EGFR: variants seen among roughly 807,000 people sequenced by gnomAD.
EGFR encodes the protein epidermal growth factor receptor, also known as avian erythroblastic leukemia viral (v-erb-b) oncogene homolog.
In EGFR, 58 loss-of-function variants were observed where a neutral mutation model predicts 143.0. The ratio of observed to expected loss-of-function variants is 0.41; its 90% CI spans 0.33 to 0.50. The LOEUF (loss-of-function observed/expected upper bound fraction) is 0.50. EGFR is among the 20% of genes least tolerant of loss of function. EGFR has a pLI of 0.39. For synonymous variants in EGFR, 613 were observed against 594.4 expected (o/e 1.03, Z -0.45); for missense variants, 1,307 against 1,579.0 (o/e 0.83, Z 2.92).
chr7:55,167,923 T>C (rs1418189033), intron 15 of EGFR, among the ~76,000 whole-genome samples: 2 of 152,210 alleles, frequency 1.3e-5, no homozygotes, highest in Non-Finnish European at 2.9e-5. Context: ...GTAATGGGAA[T>C]AGCTCTAATG....
chr7:55,077,166 G>A (rs1378760796), intron 1 of EGFR, among the ~76,000 whole-genome samples: 1 of 152,078 alleles, frequency 6.6e-6, no homozygotes, highest in Non-Finnish European at 1.5e-5. Context: ...TGGTATTTCG[G>A]TCAGATCTTC....
intron 1 of EGFR, among the ~76,000 whole-genome samples, chr7:55,131,606 C>A (rs1369469636): frequency 1.3e-5 from 2 of 152,186 alleles, no homozygotes; most frequent in Admixed American, 1.3e-4. Context: ...CTCGGACACT[C>A]CCTCTCGAAG....
intron 22 of EGFR, among the ~76,000 whole-genome samples, chr7:55,193,731 T>C (rs2128966115): frequency 1.3e-5 from 2 of 152,326 alleles, no homozygotes; most frequent in African/African-American, 4.8e-5. Context: ...AGGAGAACAC[T>C]ATTGAAATGA....
rs61541412 is a variant in EGFR at position 55,196,178 on chromosome 7, A to ATTTTTTTTTTTTTTTTTTTTTTTTTTT, written c.2702-2524_2702-2523insTTTTTTTTTTTTTTTTTTTTTTTTTTT. ...CACAACCTCACCAGCATGTGTTGGGATTTTTTTTTTTTTTTACTTTTCAAT... is the reference window on the plus strand; with the variant it reads ...CACAACCTCACCAGCATGTGTTGGGATTTTTTTTTTTTTTTTTTTTTTTTTTTTTTTTTTTTTTTTTTACTTTTCAAT... On this transcript the variant is annotated intron_variant, in intron 22 of 27. Coordinates refer to ENST00000275493, the MANE Select transcript of EGFR (RefSeq NM_005228.5). 5.3e-3 allele frequency among the ~76,000 whole-genome samples: 467 copies of ATTTTTTTTTTTTTTTTTTTTTTTTTTT among 87,936 alleles called. 34 individuals carry two copies. The highest frequency in any genetic ancestry group is 6.7e-3 in the Non-Finnish European group (330 of 48,976). The allele number at this position is 87,936 out of a possible 152,430, so 57.7% of individuals were successfully genotyped here.
Position 55,019,295 on chromosome 7 carries a change from G to A in EGFR, c.18G>A (p.Thr6=), listed in dbSNP as rs775964175. The change falls in exon 1 of 28, where the codon ACG becomes ACA. Residue 6 remains threonine, a synonymous_variant. Transcript: ENST00000275493. ...GAGCAGCGATGCGACCCTCCGGGAC[G>A]GCCGGGGCAGCGCTCCTGGCGCTGC... The part of the protein sequence containing the change: MRPSG[T]AGAALLALLA... The A allele has an allele frequency of 2.0e-6, 3 of 1,510,370 alleles. No homozygotes were observed. The highest frequency in any genetic ancestry group is 2.0e-5 in the Admixed American group (1 of 51,200). 93.6% of individuals were successfully genotyped at this position (1,510,370 alleles called of 1,614,324 possible).
intron 1 of EGFR, among the ~76,000 whole-genome samples, chr7:55,113,370 A>G (rs1584071772): frequency 1.3e-5 from 2 of 152,180 alleles, no homozygotes; most frequent in East Asian, 1.9e-4. Flanking sequence ...TGTCCTATTC[A>G]AATCACCTGG....
intron 1 of EGFR, among the ~76,000 whole-genome samples, chr7:55,065,445 C>G (rs528351374): frequency 1.5e-4 from 23 of 152,242 alleles, no homozygotes; most frequent in Middle Eastern, 3.4e-3. Context: ...ATCTGGGTGG[C>G]TACTAACACA....
Position 55,144,139 on chromosome 7 carries a change from C to T in EGFR, c.424+651C>T, listed in dbSNP as rs2128928081. On this transcript the variant is annotated intron_variant, in intron 3 of 27. Transcript: ENST00000275493. ...AATTGGTAACTTCATTTAACGCCCA[C>T]AACCTTTCTTCAAAGTAGGCACTGT... Among the ~76,000 whole-genome samples, 2 of 152,302 alleles carry T rather than the reference C, an allele frequency of 1.3e-5. 1 individual carries two copies. The highest frequency in any genetic ancestry group is 1.3e-4 in the Admixed American group (2 of 15,306).
intron 15 of EGFR, chr7:55,168,603 G>A (rs2128949545): frequency 6.2e-7 from 1 of 1,605,348 alleles, no homozygotes; most frequent in East Asian, 2.2e-5. Context: ...TTCTCCCTTT[G>A]CTTCAAATAA....
At chr7:55,138,397 T>C (rs1413805624) in intron 1 of EGFR, among the ~76,000 whole-genome samples, 1 of 152,228 alleles carries the variant, frequency 6.6e-6, no homozygotes, top group African/African-American at 2.4e-5. Flanking sequence ...ATCAACTCTT[T>C]CTTTGAATCA....
chr7:55,184,021 T>C (rs1309144752), intron 20 of EGFR, among the ~76,000 whole-genome samples: 1 of 152,228 alleles, frequency 6.6e-6, no homozygotes, highest in Non-Finnish European at 1.5e-5. Flanking sequence ...TCGCTCAATA[T>C]AGGATGAGCT....
chr7:55,123,854 C>A (rs576982903), intron 1 of EGFR, among the ~76,000 whole-genome samples: 1 of 151,200 alleles, frequency 6.6e-6, no homozygotes, highest in Non-Finnish European at 1.5e-5. Context: ...TGAATGTGCC[C>A]GTATGTGCAT....
At position 55,170,713 on chromosome 7, in the gene EGFR, C is replaced by T. The variant is rs538888597; in HGVS notation, c.1881-462C>T. On this transcript the variant is annotated intron_variant, in intron 15 of 27. Transcript: ENST00000275493. ...CCATCACCCCCAGGACTGACCTCTT[C>T]CTCCTCGCTGCCAGATGATTGTTCA... 1.0e-4 allele frequency: 158 copies of T among 1,521,304 alleles called. 1 individual carries two copies. In the East Asian group the frequency reaches 3.7e-3, roughly 36 times the overall value. The allele number at this position is 1,521,304 out of a possible 1,614,324, so 94.2% of individuals were successfully genotyped here.
intron 13 of EGFR, among the ~76,000 whole-genome samples, chr7:55,162,163 T>A (rs1785740793): frequency 1.3e-5 from 2 of 152,238 alleles, no homozygotes; most frequent in African/African-American, 4.8e-5. Flanking sequence ...TTAGTTGCAA[T>A]CAATAAAAAG....
At chr7:55,104,209 CT>C (rs1231449689) in intron 1 of EGFR, among the ~76,000 whole-genome samples, 1 of 152,316 alleles carries the variant, frequency 6.6e-6, no homozygotes, top group African/African-American at 2.4e-5. Context: ...CATCCACAAT[CT>C]GTGTGGCAAA....
intron 1 of EGFR, among the ~76,000 whole-genome samples, chr7:55,064,724 C>T (rs1047374738): frequency 1.3e-5 from 2 of 152,170 alleles, no homozygotes; most frequent in East Asian, 3.8e-4. Context: ...ATAAAGGCTT[C>T]TTAACAATAC....
At chr7:55,051,104 A>G (rs1235029958) in intron 1 of EGFR, among the ~76,000 whole-genome samples, 1 of 152,224 alleles carries the variant, frequency 6.6e-6, no homozygotes, top group Non-Finnish European at 1.5e-5. Context: ...GTGCTGGCCC[A>G]TGGGAGAGCT....
At chr7:55,147,818 T>C (rs762451130) in intron 4 of EGFR, among the ~76,000 whole-genome samples, 3 of 152,202 alleles carry the variant, frequency 2.0e-5, no homozygotes, top group Non-Finnish European at 4.4e-5. Flanking sequence ...CAGGCAACAG[T>C]CCACTTGATG....
At chr7:55,102,262 A>T (rs1267634849) in intron 1 of EGFR, among the ~76,000 whole-genome samples, 1 of 152,068 alleles carries the variant, frequency 6.6e-6, no homozygotes, top group Non-Finnish European at 1.5e-5. Context: ...ATCTCCAAGG[A>T]CATTTCCAAA....
Sources: allele counts gnomAD v4.1 joint callset (sites outside exome capture counted in the v4.1 genomes callset), GRCh38; gene constraint gnomAD v4.1.1; transcripts MANE v1.5; gene names NCBI Gene and HGNC (gene_info 2026-07-23, HGNC 2026-07-21).